The following ARHGEF7 variants were observed in gnomAD, a reference collection of about 807,000 sequenced individuals.
ARHGEF7 encodes the protein PAK-interacting exchange factor beta.
Under a neutral mutation model 109.8 loss-of-function variants are expected in ARHGEF7, and 33 were observed. The ratio of observed to expected loss-of-function variants is 0.30; its 90% CI spans 0.23 to 0.40. The LOEUF (loss-of-function observed/expected upper bound fraction) is 0.40, where lower values mean the gene tolerates loss of function less well. ARHGEF7 is among the 10% of genes least tolerant of loss of function. The pLI is 1.00. For synonymous variants in ARHGEF7, 458 were observed against 424.6 expected (o/e 1.08, Z -0.97); for missense variants, 938 against 1,098.5 (o/e 0.85, Z 2.07).
At chr13:111,217,936 A>AACACT in intron 5 of ARHGEF7, 56 bp downstream of exon 5, 1 of 1,504,548 alleles carries the variant, frequency 6.6e-7, no homozygotes, top group Non-Finnish European at 9.0e-7. Context: ...GAAAGAAGTA[A>AACACT]ATGTACTTGA....
intron 9 of ARHGEF7, among the ~76,000 whole-genome samples, chr13:111,270,115 C>T (rs1284370239): frequency 6.6e-6 from 1 of 152,248 alleles, no homozygotes; most frequent in Non-Finnish European, 1.5e-5. Context: ...GTTTTAGCAG[C>T]TCAGACCTTC....
chr13:111,151,197 A>T (rs1340696260), intron 1 of ARHGEF7, among the ~76,000 whole-genome samples: 2 of 152,270 alleles, frequency 1.3e-5, no homozygotes. Context: ...TAAAACAAGC[A>T]GTCTCATCAG....
At chr13:111,139,175 T>C (rs1409152243) in intron 1 of ARHGEF7, among the ~76,000 whole-genome samples, 2 of 152,194 alleles carry the variant, frequency 1.3e-5, no homozygotes, top group African/African-American at 4.8e-5. Flanking sequence ...ATTAGTGAAC[T>C]TGATCGAGGA....
chr13:111,259,184 C>T (rs988969923), intron 8 of ARHGEF7, among the ~76,000 whole-genome samples: 3 of 152,172 alleles, frequency 2.0e-5, no homozygotes, highest in Non-Finnish European at 4.4e-5. Flanking sequence ...AGGACACGTG[C>T]CCATCTGGCT....
At position 111,164,870 on chromosome 13, in the gene ARHGEF7, TTTG is replaced by T. The variant is rs558482450; in HGVS notation, c.252+10884_252+10886del. Among the ~76,000 whole-genome samples, 853 of 152,320 alleles carry T rather than the reference TTTG, an allele frequency of 5.6e-3. 3 individuals are homozygous for T. The highest frequency in any genetic ancestry group is 9.5e-3 in the Non-Finnish European group (649 of 68,024). On this transcript the variant is annotated intron_variant, in intron 2 of 21. Transcript: ENST00000646102. Reference sequence around the variant, plus strand: ...TCCTCCTGATAGGAAGTTAAGATAATTTGTTGTCTCTCATGCATTAAAAATTGC... The same window carrying T: ...TCCTCCTGATAGGAAGTTAAGATAATTTGTCTCTCATGCATTAAAAATTGC...
At chr13:111,253,288 T>C (rs981431336) in intron 8 of ARHGEF7, among the ~76,000 whole-genome samples, 1 of 152,248 alleles carries the variant, frequency 6.6e-6, no homozygotes, top group Non-Finnish European at 1.5e-5. Context: ...AAAAATTGCC[T>C]CTATGGGAAA....
chr13:111,284,482 A>T (rs1034538513), intron 16 of ARHGEF7, among the ~76,000 whole-genome samples: 1 of 152,212 alleles, frequency 6.6e-6, no homozygotes, highest in Admixed American at 6.5e-5. Flanking sequence ...TCCTTATTGT[A>T]TACTTTAGTG....
chr13:111,162,105 C>A (rs1477126768), intron 2 of ARHGEF7, among the ~76,000 whole-genome samples: 1 of 152,220 alleles, frequency 6.6e-6, no homozygotes, highest in Non-Finnish European at 1.5e-5. Context: ...CATACAGCTT[C>A]CAGAGAACTT....
intron 2 of ARHGEF7, among the ~76,000 whole-genome samples, chr13:111,197,373 C>G (rs550953366): frequency 3.9e-5 from 6 of 152,264 alleles, no homozygotes; most frequent in Admixed American, 3.9e-4. Context: ...GTGGCCCTTA[C>G]CGACGCATTC....
At chr13:111,159,077 C>T (rs2076556262) in intron 2 of ARHGEF7, 1 of 718,410 alleles carries the variant, frequency 1.4e-6, no homozygotes, top group Non-Finnish European at 2.6e-6. Flanking sequence ...CCACCATTCT[C>T]TTGTCTGCTT....
At chr13:111,142,208 A>G (rs759236615) in intron 1 of ARHGEF7, among the ~76,000 whole-genome samples, 6 of 152,134 alleles carry the variant, frequency 3.9e-5, no homozygotes, top group Non-Finnish European at 8.8e-5. Context: ...GTATATTCAG[A>G]ATACCAGTTA....
chr13:111,143,453 C>T (rs573995301), intron 1 of ARHGEF7: 1 of 152,398 alleles, frequency 6.6e-6, no homozygotes, highest in South Asian at 2.1e-4. Flanking sequence ...GGAGAGGGAA[C>T]ATGCCAAAGG....
chr13:111,284,795 T>C (rs2092947953), intron 16 of ARHGEF7, among the ~76,000 whole-genome samples: 1 of 152,064 alleles, frequency 6.6e-6, no homozygotes, highest in Non-Finnish European at 1.5e-5. Context: ...TGGAGGCCGC[T>C]CTGCAGCCCG....
chr13:111,182,176 C>CGT (rs2078808167), intron 2 of ARHGEF7: 1 of 152,194 alleles, frequency 6.6e-6, no homozygotes, highest in African/African-American at 2.4e-5. Flanking sequence ...TTCACGGTGT[C>CGT]GAGCGTGCTG....
At chr13:111,172,303 C>T (rs545063904) in intron 2 of ARHGEF7, among the ~76,000 whole-genome samples, 9 of 151,016 alleles carry the variant, frequency 6.0e-5, no homozygotes, top group South Asian at 4.2e-4. Context: ...TATCCCTAAA[C>T]GAAATAAATT....
intron 2 of ARHGEF7, chr13:111,202,995 C>A: frequency 9.1e-7 from 1 of 1,099,406 alleles, no homozygotes; most frequent in East Asian, 6.2e-5. Flanking sequence ...CAGTTTCAGC[C>A]AATCAGATGC....
chr13:111,285,364 G>C (rs2092974717), intron 16 of ARHGEF7, among the ~76,000 whole-genome samples: 1 of 152,208 alleles, frequency 6.6e-6, no homozygotes, highest in Non-Finnish European at 1.5e-5. Flanking sequence ...TAGCATTCGT[G>C]ATGGTTTATG....
intron 16 of ARHGEF7, 102 bp downstream of exon 16, chr13:111,283,465 C>G (rs2092878861): frequency 6.9e-7 from 1 of 1,456,354 alleles, no homozygotes; most frequent in Non-Finnish European, 9.1e-7. Context: ...AAAATGCACC[C>G]TAACTCCTAG....
intron 2 of ARHGEF7, 70 bp downstream of exon 2, chr13:111,154,061 G>C: frequency 1.4e-6 from 2 of 1,437,218 alleles, no homozygotes; most frequent in South Asian, 1.3e-5. Context: ...TGGGTGCTTC[G>C]CTCCAGCCGG....
Sources: gnomAD v4.1 joint callset for allele counts (sites outside exome capture counted in the v4.1 genomes callset) on GRCh38, gnomAD v4.1.1 for gene constraint, MANE v1.5 for transcripts, NCBI Gene and HGNC (gene_info 2026-07-23, HGNC 2026-07-21) for gene names.